ARHGAP44: variants seen among roughly 807,000 people sequenced by gnomAD.
ARHGAP44 encodes rho GTPase-activating protein 44.
Under a neutral mutation model 106.8 loss-of-function variants are expected in ARHGAP44, and 43 were observed. That is an observed-to-expected ratio of 0.40 (90% CI 0.32 to 0.52). The LOEUF is 0.52. Ranked by LOEUF, ARHGAP44 falls within the 20% of genes least tolerant of loss-of-function variation. ARHGAP44 has a pLI of 0.48. For synonymous variants in ARHGAP44, 439 were observed against 410.3 expected (o/e 1.07, Z -0.85); for missense variants, 866 against 1,050.5 (o/e 0.82, Z 2.43).
intron 1 of ARHGAP44, among the ~76,000 whole-genome samples, chr17:12,846,861 T>A (rs2035584786): frequency 6.6e-6 from 1 of 152,244 alleles, no homozygotes; most frequent in Non-Finnish European, 1.5e-5. Context: ...ACAGCAATCA[T>A]ATTGACTTAT....
chr17:12,821,885 A>G (rs778064564), intron 1 of ARHGAP44, among the ~76,000 whole-genome samples: 6 of 152,160 alleles, frequency 3.9e-5, no homozygotes, highest in African/African-American at 1.4e-4. Context: ...TATTGCTTTG[A>G]TTTTGATTGG....
chr17:12,859,511 G>A (rs1164069348), intron 1 of ARHGAP44, among the ~76,000 whole-genome samples: 1 of 152,138 alleles, frequency 6.6e-6, no homozygotes, highest in Non-Finnish European at 1.5e-5. Context: ...TTAAGATTTC[G>A]AGTTTGCTTT....
intron 1 of ARHGAP44, among the ~76,000 whole-genome samples, chr17:12,795,292 T>A (rs2033886045): frequency 6.6e-6 from 1 of 152,212 alleles, no homozygotes; most frequent in Non-Finnish European, 1.5e-5. Context: ...ATTACTGGGT[T>A]AGCAAATCTG....
chr17:12,841,668 A>G (rs1334415994), intron 1 of ARHGAP44, among the ~76,000 whole-genome samples: 1 of 151,344 alleles, frequency 6.6e-6, no homozygotes, highest in East Asian at 1.9e-4. Flanking sequence ...CACACAACCA[A>G]AACAGTCTTT....
intron 1 of ARHGAP44, among the ~76,000 whole-genome samples, chr17:12,793,329 T>C (rs1315030043): frequency 1.3e-5 from 2 of 152,232 alleles, no homozygotes; most frequent in Admixed American, 6.5e-5. Context: ...TATGTACCTT[T>C]ATTAGATGTC....
Position 12,971,768 on chromosome 17 carries a change from C to G in ARHGAP44, c.1524-1534C>G, listed in dbSNP as rs2039533433. The stretch of plus-strand genomic sequence containing the variant: ...AGGAAAGAGACATCCCTCCCCTTTC[C>G]CTCCATCCCTGGTGCCTCCTTGAAG... On this transcript the variant is annotated intron_variant, in intron 16 of 20. Transcript: ENST00000379672. Among the ~76,000 whole-genome samples the G allele has an allele frequency of 2.0e-5, 3 of 152,140 alleles. No individual in the cohort carries two copies. In the South Asian group the frequency reaches 6.2e-4, roughly 31 times the overall value.
intron 1 of ARHGAP44, among the ~76,000 whole-genome samples, chr17:12,813,916 C>T (rs1182624883): frequency 1.3e-5 from 2 of 152,140 alleles, no homozygotes; most frequent in East Asian, 1.9e-4. Context: ...TGTCTGCCGT[C>T]GTGACTCATT....
intron 1 of ARHGAP44, among the ~76,000 whole-genome samples, chr17:12,802,948 TATATATATATATA>T (rs1359710205): frequency 0.045 from 1,641 of 36,086 alleles, 308 homozygotes; most frequent in African/African-American, 0.14. Flanking sequence ...TATATATATA[TATATATATATATA>T]TATATATATT....
chr17:12,876,306 A>G (rs191839763), intron 1 of ARHGAP44, among the ~76,000 whole-genome samples: 1 of 152,256 alleles, frequency 6.6e-6, no homozygotes, highest in East Asian at 1.9e-4. Flanking sequence ...ACCACAGGAA[A>G]GGCTTTTGCG....
rs181760031 is a variant in ARHGAP44, at chr17:12,882,412, A to G, written c.54-12528A>G. Among the ~76,000 whole-genome samples the G allele has an allele frequency of 1.6e-3, 245 of 152,230 alleles. 1 individual carries two copies. The highest frequency in any genetic ancestry group is 5.6e-3 in the African/African-American group (231 of 41,558). ...AAACATATAATCTTCAAATGTCAGT[A>G]TAGGTTCTTCCCTTTTAGTTTTAAA... On this transcript the variant is annotated intron_variant, in intron 1 of 20. Transcript: ENST00000379672.
intron 1 of ARHGAP44, among the ~76,000 whole-genome samples, chr17:12,834,283 T>C (rs902974396): frequency 1.3e-5 from 2 of 152,230 alleles, no homozygotes; most frequent in African/African-American, 4.8e-5. Flanking sequence ...TCTTGAGTCT[T>C]CTTCCATATG....
In ARHGAP44 at chr17:12,807,717, A is replaced by G. The variant is rs2034318775; in HGVS notation, c.53+17826A>G. Reference sequence around the variant, plus strand: ...AATTCAAGATGAGATTTGGGTGGGGACACAGCCAAGCCATATTATTCCACC... The same window carrying G: ...AATTCAAGATGAGATTTGGGTGGGGGCACAGCCAAGCCATATTATTCCACC... On this transcript the variant is annotated intron_variant, in intron 1 of 20. Transcript: ENST00000379672. Among the ~76,000 whole-genome samples the G allele has an allele frequency of 6.6e-5, 10 of 152,300 alleles. No individual in the cohort carries two copies. In the South Asian group the frequency reaches 2.1e-3, roughly 32 times the overall value.
chr17:12,987,793 C>T (rs762536036), intron 20 of ARHGAP44: 1 of 152,252 alleles, frequency 6.6e-6, no homozygotes. Flanking sequence ...TGGATATGGC[C>T]AGACAGATCC....
At chr17:12,805,749 A>G (rs750998392) in intron 1 of ARHGAP44, among the ~76,000 whole-genome samples, 2 of 152,214 alleles carry the variant, frequency 1.3e-5, no homozygotes, top group Non-Finnish European at 2.9e-5. Flanking sequence ...AGCATGCAGC[A>G]TGTTTACTAG....
At chr17:12,924,345 T>A (rs2038173166) in intron 6 of ARHGAP44, among the ~76,000 whole-genome samples, 1 of 152,250 alleles carries the variant, frequency 6.6e-6, no homozygotes, top group Non-Finnish European at 1.5e-5. Context: ...CAGGACGCTT[T>A]ATGCTGAATT....
At chr17:12,791,573 C>G (rs538056860) in intron 1 of ARHGAP44, among the ~76,000 whole-genome samples, 1 of 152,294 alleles carries the variant, frequency 6.6e-6, no homozygotes, top group African/African-American at 2.4e-5. Flanking sequence ...TCCTCCCTGG[C>G]CTTCCTGAAA....
intron 1 of ARHGAP44, among the ~76,000 whole-genome samples, chr17:12,863,117 G>A (rs956401294): frequency 1.1e-4 from 16 of 152,016 alleles, no homozygotes; most frequent in African/African-American, 2.4e-4. Flanking sequence ...GTGAGACCTC[G>A]TCTCTGTGAA....
intron 1 of ARHGAP44, among the ~76,000 whole-genome samples, chr17:12,861,662 A>G (rs1326688720): frequency 4.7e-4 from 1 of 2,120 alleles, no homozygotes; most frequent in Non-Finnish European, 1.7e-3. Context: ...TTTTTTTGAG[A>G]TGGAATCTTG....
rs79752020 is a variant in ARHGAP44, at chr17:12,929,595, G to A, written c.582+549G>A. Among the ~76,000 whole-genome samples, 396 of 152,282 alleles carry A rather than the reference G, an allele frequency of 2.6e-3. 2 individuals carry two copies. Among genetic ancestry groups the A allele is most frequent in the African/African-American group, 8.9e-3 (371 of 41,550 alleles). The stretch of plus-strand genomic sequence containing the variant: ...TTCTGAAAACTGCGACTCTGTACTC[G>A]TGTAATGATGTCCTTCGTTGTACTC... On this transcript the variant is annotated intron_variant, in intron 7 of 20. Transcript: ENST00000379672.
Sources: gnomAD v4.1 joint callset for allele counts (sites outside exome capture counted in the v4.1 genomes callset) on GRCh38, gnomAD v4.1.1 for gene constraint, MANE v1.5 for transcripts, NCBI Gene and HGNC (gene_info 2026-07-23, HGNC 2026-07-21) for gene names.